ZCCHC7: variants seen among roughly 807,000 people sequenced by gnomAD.
The protein encoded by ZCCHC7 is zinc finger CCHC domain-containing protein 7.
ZCCHC7 carries 35 observed loss-of-function variants against 52.0 expected under a neutral mutation model. The observed-to-expected ratio is 0.67, with a 90% confidence interval of 0.51 to 0.89. The LOEUF (loss-of-function observed/expected upper bound fraction) is 0.89. Among genes scored for constraint, ZCCHC7 ranks in the 40% least tolerant of loss-of-function variants. The pLI is 0.00. For synonymous variants in ZCCHC7, 217 were observed against 221.5 expected (o/e 0.98, Z 0.18); for missense variants, 574 against 649.1 (o/e 0.88, Z 1.26).
At chr9:37,316,053 T>TGTTG (rs1365554307) in intron 5 of ZCCHC7, among the ~76,000 whole-genome samples, 93 of 151,870 alleles carry the variant, frequency 6.1e-4, no homozygotes, top group African/African-American at 2.2e-3. Flanking sequence ...TTTGTTTGTT[T>TGTTG]TTTGTTTTTG....
At chr9:37,190,083 T>C (rs1205855832) in intron 2 of ZCCHC7, among the ~76,000 whole-genome samples, 3 of 152,180 alleles carry the variant, frequency 2.0e-5, no homozygotes, top group Admixed American at 6.5e-5. Context: ...CTGCTGCACA[T>C]TTCTTGCAGC....
chr9:37,293,515 AT>A (rs1828634843), intron 2 of ZCCHC7, among the ~76,000 whole-genome samples: 1 of 152,122 alleles, frequency 6.6e-6, no homozygotes, highest in South Asian at 2.1e-4. Flanking sequence ...TATGCTTGTC[AT>A]TTTACAGATA....
chr9:37,267,675 G>T (rs1827180154), intron 2 of ZCCHC7, among the ~76,000 whole-genome samples: 1 of 149,050 alleles, frequency 6.7e-6, no homozygotes, highest in African/African-American at 2.5e-5. Flanking sequence ...CTTCACGCCA[G>T]TCTCCTGCCT....
At chr9:37,175,336 CT>C (rs1053562220) in intron 2 of ZCCHC7, among the ~76,000 whole-genome samples, 2 of 152,052 alleles carry the variant, frequency 1.3e-5, no homozygotes, top group Non-Finnish European at 2.9e-5. Flanking sequence ...TGTTTTTGTT[CT>C]GGCAGCTCTA....
At chr9:37,157,921 C>G (rs1354754798) in intron 2 of ZCCHC7, among the ~76,000 whole-genome samples, 6 of 152,174 alleles carry the variant, frequency 3.9e-5, no homozygotes, top group Non-Finnish European at 8.8e-5. Flanking sequence ...ACTGTCTGAT[C>G]CAGCAGTTCT....
chr9:37,238,075 C>T (rs765313046), intron 2 of ZCCHC7, among the ~76,000 whole-genome samples: 2 of 152,072 alleles, frequency 1.3e-5, no homozygotes, highest in Admixed American at 6.5e-5. Context: ...CCTTGATGAT[C>T]AGAAAACAGA....
intron 2 of ZCCHC7, among the ~76,000 whole-genome samples, chr9:37,132,316 A>G (rs1216833497): frequency 1.3e-5 from 2 of 152,206 alleles, no homozygotes; most frequent in Non-Finnish European, 2.9e-5. Flanking sequence ...GGATATTACT[A>G]GTTCTAGGAG....
At chr9:37,261,733 T>A (rs1826875546) in intron 2 of ZCCHC7, among the ~76,000 whole-genome samples, 1 of 152,234 alleles carries the variant, frequency 6.6e-6, no homozygotes, top group South Asian at 2.1e-4. Flanking sequence ...ATTCCGTAAT[T>A]AAGCAATTAC....
intron 2 of ZCCHC7, among the ~76,000 whole-genome samples, chr9:37,156,250 G>C (rs1195191229): frequency 6.6e-6 from 1 of 152,054 alleles, no homozygotes; most frequent in Non-Finnish European, 1.5e-5. Flanking sequence ...TGTTTTCTTT[G>C]ATTTAAGCCA....
chr9:37,264,815 T>A (rs1485455923), intron 2 of ZCCHC7, among the ~76,000 whole-genome samples: 1 of 152,188 alleles, frequency 6.6e-6, no homozygotes, highest in Non-Finnish European at 1.5e-5. Context: ...CCATAGCAGT[T>A]AAACCTGAAC....
intron 3 of ZCCHC7, among the ~76,000 whole-genome samples, chr9:37,303,891 G>A (rs866996656): frequency 1.6e-4 from 24 of 151,854 alleles, no homozygotes; most frequent in African/African-American, 4.6e-4. Flanking sequence ...TTGAACTCCC[G>A]ACCTCGGGTG....
At chr9:37,189,660 T>A (rs1822915073) in intron 2 of ZCCHC7, among the ~76,000 whole-genome samples, 1 of 152,182 alleles carries the variant, frequency 6.6e-6, no homozygotes, top group Admixed American at 6.5e-5. Context: ...AGTGCTGGGA[T>A]TACAGGCATG....
intron 2 of ZCCHC7, among the ~76,000 whole-genome samples, chr9:37,237,756 A>T (rs1825719444): frequency 6.6e-6 from 1 of 152,238 alleles, no homozygotes; most frequent in South Asian, 2.1e-4. Context: ...AAGAGAGCAC[A>T]ATCAGTTTCT....
intron 2 of ZCCHC7, among the ~76,000 whole-genome samples, chr9:37,237,532 T>C (rs1274194329): frequency 6.6e-6 from 1 of 152,186 alleles, no homozygotes; most frequent in Non-Finnish European, 1.5e-5. Flanking sequence ...ATATATTTCA[T>C]CTCCTTAACC....
At chr9:37,166,817 A>G (rs78175272) in intron 2 of ZCCHC7, among the ~76,000 whole-genome samples, 7,710 of 152,154 alleles carry the variant, frequency 0.051, 639 homozygotes, top group African/African-American at 0.17. Flanking sequence ...GGTTATTTAG[A>G]AGTGTGTTAT....
intron 2 of ZCCHC7, among the ~76,000 whole-genome samples, chr9:37,163,080 A>G (rs1344832002): frequency 2.0e-5 from 3 of 152,168 alleles, no homozygotes; most frequent in Non-Finnish European, 4.4e-5. Flanking sequence ...GTGCGCCTGT[A>G]GTCCCAGCCA....
Position 37,357,036 on chromosome 9 carries a change from G to A in ZCCHC7, c.1400G>A (p.Arg467His), listed in dbSNP as rs543409775. ...WEKHRKADRH[R>H]EVDEDFPRGP... The stretch of plus-strand genomic sequence containing the variant: ...AAGCACAGGAAGGCTGACAGACATC[G>A]TGAAGTGGATGAGGATTTTCCCAGG... Residue 467 changes from arginine to histidine, a missense_variant, in exon 9 of 9, where the codon CGT (arginine) becomes CAT (histidine). Arg to His is a conservative substitution (Grantham distance 29). This residue lies in a region of ZCCHC7 where 168 missense variants were observed against 171.6 expected (regional missense o/e 0.98). Transcript: ENST00000336755. 767 of 1,613,800 alleles carry A rather than the reference G, an allele frequency of 4.8e-4. 7 individuals are homozygous for A. The South Asian group carries it at 8.1e-3, about 17-fold the overall frequency.
chr9:37,221,564 T>G (rs1024130905), intron 2 of ZCCHC7, among the ~76,000 whole-genome samples: 1 of 152,168 alleles, frequency 6.6e-6, no homozygotes, highest in Non-Finnish European at 1.5e-5. Context: ...ACAGAGACTA[T>G]GGAATCTAAT....
chr9:37,355,297 A>G (rs570345263), intron 8 of ZCCHC7, among the ~76,000 whole-genome samples: 1 of 152,356 alleles, frequency 6.6e-6, no homozygotes, highest in South Asian at 2.1e-4. Flanking sequence ...TTCTGTACTT[A>G]CTGTTGCAAA....
Sources: gnomAD v4.1 joint callset for allele counts (sites outside exome capture counted in the v4.1 genomes callset) on GRCh38, gnomAD v4.1.1 for gene constraint, gnomAD v4.1.1 regional missense constraint, MANE v1.5 for transcripts, NCBI Gene and HGNC (gene_info 2026-07-23, HGNC 2026-07-21) for gene names.